Variants in ZNF618 observed in about 807,000 individuals in gnomAD.
ZNF618 encodes neural precursor cell expressed, developmentally down-regulated 10.
ZNF618 carries 34 observed loss-of-function variants against 103.0 expected under a neutral mutation model. The observed-to-expected ratio is 0.33, with a 90% CI of 0.25 to 0.44. ZNF618 has a LOEUF of 0.44. Ranked by LOEUF, ZNF618 falls within the 20% of genes least tolerant of loss-of-function variation. The probability of loss-of-function intolerance (pLI) is 1.00; values close to 1 mark genes in which losing one functional copy is unlikely to be tolerated. For synonymous variants in ZNF618, 551 were observed against 542.2 expected (o/e 1.02, Z -0.23); for missense variants, 1,059 against 1,295.4 (o/e 0.82, Z 2.80).
intron 1 of ZNF618, among the ~76,000 whole-genome samples, chr9:113,921,765 T>G (rs914972307): frequency 5.3e-5 from 8 of 152,242 alleles, no homozygotes; most frequent in African/African-American, 1.7e-4. Flanking sequence ...TTTTTTTGAC[T>G]ACTCCTTACA....
intron 13 of ZNF618, among the ~76,000 whole-genome samples, chr9:114,036,686 G>A (rs191502014): frequency 6.6e-6 from 1 of 152,354 alleles, no homozygotes; most frequent in African/African-American, 2.4e-5. Flanking sequence ...GTAGGAGCTA[G>A]CCTGGAAGCG....
chr9:113,901,868 G>A (rs1313762486), intron 1 of ZNF618, among the ~76,000 whole-genome samples: 1 of 151,944 alleles, frequency 6.6e-6, no homozygotes, highest in Non-Finnish European at 1.5e-5. Context: ...TTTCCTCTGC[G>A]TGTCTAACTG....
intron 14 of ZNF618, 136 bp from the exon 15 acceptor site, chr9:114,048,515 A>G (rs1845857004): frequency 1.1e-6 from 1 of 899,924 alleles, no homozygotes; most frequent in Non-Finnish European, 1.7e-6. Context: ...AAAGGCAGCC[A>G]GCACCACCCA....
chr9:113,951,570 T>G (rs1835758389), intron 1 of ZNF618, among the ~76,000 whole-genome samples: 1 of 26,422 alleles, frequency 3.8e-5, no homozygotes. Context: ...TATATGTGTG[T>G]GTGTATATGT....
intron 2 of ZNF618, among the ~76,000 whole-genome samples, chr9:113,977,223 G>A (rs1272554187): frequency 1.3e-5 from 2 of 152,178 alleles, no homozygotes; most frequent in Non-Finnish European, 2.9e-5. Context: ...GCAGCACTGG[G>A]CATCAGCTGG....
chr9:113,946,488 T>C (rs1835047440), intron 1 of ZNF618, among the ~76,000 whole-genome samples: 1 of 152,028 alleles, frequency 6.6e-6, no homozygotes, highest in Admixed American at 6.5e-5. Flanking sequence ...GGGACTTCTC[T>C]TGAGTTCACA....
chr9:113,922,599 T>C (rs1345677157), intron 1 of ZNF618, among the ~76,000 whole-genome samples: 1 of 152,068 alleles, frequency 6.6e-6, no homozygotes, highest in Admixed American at 6.5e-5. Context: ...TATATTAGTT[T>C]GGGTATATTT....
intron 1 of ZNF618, among the ~76,000 whole-genome samples, chr9:113,919,716 C>A (rs893265205): frequency 6.6e-6 from 1 of 152,144 alleles, no homozygotes; most frequent in Admixed American, 6.5e-5. Context: ...CAGACAGACT[C>A]CTGTGTTCTT....
chr9:114,031,872 T>C (rs1844081173), intron 11 of ZNF618, among the ~76,000 whole-genome samples: 1 of 152,180 alleles, frequency 6.6e-6, no homozygotes. Flanking sequence ...CTGGGCTGTC[T>C]TCCAGCTCGG....
chr9:113,935,877 G>A (rs992271713), intron 1 of ZNF618, among the ~76,000 whole-genome samples: 4 of 152,132 alleles, frequency 2.6e-5, no homozygotes, highest in South Asian at 4.1e-4. Context: ...GATCAGGCCC[G>A]TTCCTCCCAG....
chr9:113,923,285 C>T (rs79338638), intron 1 of ZNF618, among the ~76,000 whole-genome samples: 3 of 151,924 alleles, frequency 2.0e-5, no homozygotes, highest in Non-Finnish European at 4.4e-5. Context: ...CCTTTTATTT[C>T]CTTTTCTTGT....
intron 1 of ZNF618, among the ~76,000 whole-genome samples, chr9:113,904,319 T>TC (rs1830800186): frequency 6.6e-6 from 1 of 152,158 alleles, no homozygotes; most frequent in African/African-American, 2.4e-5. Flanking sequence ...ATGTTTTTTT[T>TC]CCTCTACCTT....
At chr9:113,989,092 T>C (rs750793444) in intron 3 of ZNF618, among the ~76,000 whole-genome samples, 18 of 152,188 alleles carry the variant, frequency 1.2e-4, no homozygotes, top group Non-Finnish European at 1.6e-4. Flanking sequence ...TTTCTCTCCC[T>C]CCGGTCTCCA....
At chr9:114,031,227 G>GC (rs1464991765) in intron 11 of ZNF618, among the ~76,000 whole-genome samples, 1 of 152,148 alleles carries the variant, frequency 6.6e-6, no homozygotes, top group Admixed American at 6.5e-5. Flanking sequence ...GCGAATGAGA[G>GC]CCCCCCACCC....
intron 1 of ZNF618, among the ~76,000 whole-genome samples, chr9:113,926,824 G>A (rs546436079): frequency 6.6e-6 from 1 of 152,246 alleles, no homozygotes; most frequent in South Asian, 2.1e-4. Flanking sequence ...ACCAGCCTGT[G>A]CAACATGGTG....
chr9:113,909,202 C>A (rs965299142), intron 1 of ZNF618, among the ~76,000 whole-genome samples: 1 of 151,996 alleles, frequency 6.6e-6, no homozygotes, highest in African/African-American at 2.4e-5. Context: ...TCGCCTGTTG[C>A]AGTTGTATGC....
chr9:113,902,876 A>G (rs1235040656), intron 1 of ZNF618, among the ~76,000 whole-genome samples: 1 of 152,046 alleles, frequency 6.6e-6, no homozygotes, highest in Non-Finnish European at 1.5e-5. Context: ...TGAATTCCTT[A>G]GCTTGTGTAC....
chr9:114,041,545 A>G (rs1423926725), intron 13 of ZNF618, among the ~76,000 whole-genome samples: 2 of 152,218 alleles, frequency 1.3e-5, no homozygotes, highest in Non-Finnish European at 2.9e-5. Context: ...CTTTCTACAT[A>G]TGGCTAGCCA....
chr9:113,983,134 T>C (rs1481386105), intron 2 of ZNF618, among the ~76,000 whole-genome samples: 1 of 152,188 alleles, frequency 6.6e-6, no homozygotes, highest in Non-Finnish European at 1.5e-5. Context: ...GCTTTTTCAC[T>C]AATATACCTA....
Sources: gnomAD v4.1 joint callset for allele counts (sites outside exome capture counted in the v4.1 genomes callset) on GRCh38, gnomAD v4.1.1 for gene constraint, MANE v1.5 for transcripts, NCBI Gene and HGNC (gene_info 2026-07-23, HGNC 2026-07-21) for gene names.